The following PRX variants were observed in gnomAD, a reference collection of about 807,000 sequenced individuals.
The protein encoded by PRX is periaxin.
Under a neutral mutation model 29.6 loss-of-function variants are expected in PRX, and 24 were observed. That is an observed-to-expected ratio of 0.81 (90% CI 0.59 to 1.14). The LOEUF (loss-of-function observed/expected upper bound fraction) is 1.14, where lower values mean the gene tolerates loss of function less well. PRX is among the 50% of genes most tolerant of loss of function. The pLI, the probability that PRX is intolerant of heterozygous loss-of-function variation, is 0.00. For synonymous variants in PRX, 772 were observed against 831.7 expected (o/e 0.93, Z 1.24); for missense variants, 1,838 against 1,926.4 (o/e 0.95, Z 0.86).
chr19:40,404,945 A>G (rs1599663974), intron 4 of PRX, among the ~76,000 whole-genome samples: 1 of 152,116 alleles, frequency 6.6e-6, no homozygotes, highest in East Asian at 1.9e-4. Flanking sequence ...ACAAGAGAAT[A>G]GTTGAGGATG....
At chr19:40,412,995 G>A (rs1426150918) in intron 1 of PRX, among the ~76,000 whole-genome samples, 1 of 152,172 alleles carries the variant, frequency 6.6e-6, no homozygotes, top group Non-Finnish European at 1.5e-5. Flanking sequence ...CCAAAGTGCT[G>A]GGATTATAGG....
chr19:40,397,795 C>T lies in PRX; in HGVS notation c.557G>A (p.Arg186Gln), dbSNP rs569213133. 14 of 1,577,626 alleles carry T rather than the reference C, an allele frequency of 8.9e-6. No homozygotes were observed. In the Admixed American group the frequency reaches 1.3e-4, roughly 15 times the overall value. ...KGPVPAAPARRRLQLPRLRVR... is the reference protein window; with the variant it reads ...KGPVPAAPARQRLQLPRLRVR... ...ACGCAGCCGAGGCAGCTGGAGGCGC[C>T]GGCGGGCAGGGGCAGCCGGGACAGG... The change falls in exon 7 of 7, where the codon CGG (arginine) becomes CAG (glutamine). Residue 186 changes from arginine to glutamine, a missense_variant. Physicochemically the swap from Arg to Gln is conservative, Grantham distance 43. Coordinates refer to ENST00000324001, the MANE Select transcript of PRX (RefSeq NM_181882.3).
rs2079511172 is a variant in PRX, at chr19:40,403,660, C to G, written c.184+46G>C. 2 of 1,517,274 alleles carry G rather than the reference C, an allele frequency of 1.3e-6. 1 individual carries two copies. The highest frequency in any genetic ancestry group is 2.5e-5 in the South Asian group (2 of 81,152). 94.0% of individuals were successfully genotyped at this position (1,517,274 alleles called of 1,614,324 possible). A position where few individuals can be genotyped will look rare whatever the true frequency, so the allele number is the denominator to read the frequency against. On this transcript the variant is annotated intron_variant, in intron 5 of 6. Coordinates refer to ENST00000324001, the MANE Select transcript of PRX (RefSeq NM_181882.3). Reference sequence around the variant, plus strand: ...TTTGGACCCAAGGCAGATTCCTAACCCCGCCCCCGCAGTTCGACCCCGCCC... The same window carrying G: ...TTTGGACCCAAGGCAGATTCCTAACGCCGCCCCCGCAGTTCGACCCCGCCC...
chr19:40,394,911 C>T lies in PRX; in HGVS notation c.3441G>A (p.Pro1147=), dbSNP rs777344023. The T allele has an allele frequency of 9.3e-6, 15 of 1,610,264 alleles. No individual in the cohort carries two copies. In the East Asian group the frequency reaches 2.0e-4, roughly 22 times the overall value. ...EGHDAGLRMP[P]LGISLPQVEL... ...CCACCTGTGGCAGGGAGATGCCCAG[C>T]GGAGGCATCCTCAGCCCCGCGTCAT... Residue 1147 remains proline (P), a synonymous_variant, in exon 7 of 7, where the codon CCG becomes CCA. Coordinates refer to ENST00000324001, the MANE Select transcript of PRX (RefSeq NM_181882.3). This position sits in a 1 kb window ranked among gnomAD's most constrained non-coding sequence, Gnocchi z 5.8.
At chr19:40,406,408 G>A (rs1046461308) in intron 4 of PRX, among the ~76,000 whole-genome samples, 1 of 151,978 alleles carries the variant, frequency 6.6e-6, no homozygotes, top group African/African-American at 2.4e-5. Context: ...TCTCCCTATA[G>A]CCTTGGGCAG....
At chr19:40,404,137 C>G (rs1457869734) in intron 4 of PRX, among the ~76,000 whole-genome samples, 1 of 152,186 alleles carries the variant, frequency 6.6e-6, no homozygotes, top group Non-Finnish European at 1.5e-5. Flanking sequence ...TCAGGGCACA[C>G]GCCCCTCGGC....
At position 40,398,932 on chromosome 19, in the gene PRX, T is replaced by A. The variant is rs1021014956; in HGVS notation, c.185-116A>T. 6 of 1,547,904 alleles carry A rather than the reference T, an allele frequency of 3.9e-6. No individual in the cohort carries two copies. Among genetic ancestry groups the A allele is most frequent in the Non-Finnish European group, 5.2e-6 (6 of 1,147,172 alleles). On this transcript the variant is annotated intron_variant, in intron 5 of 6. Coordinates refer to ENST00000324001, the MANE Select transcript of PRX (RefSeq NM_181882.3). The surrounding 1 kb of genome is among the most constrained non-coding windows in gnomAD (Gnocchi z 6.3). The stretch of plus-strand genomic sequence containing the variant: ...AGGACCCGCCCCAAATTTTAGTTTC[T>A]CCAATCCCCAGCGCAGGATTAAGTC...
intron 5 of PRX, among the ~76,000 whole-genome samples, chr19:40,399,891 C>CTT (rs1555801765): frequency 4.4e-5 from 3 of 68,834 alleles, no homozygotes; most frequent in African/African-American, 1.6e-4. Context: ...TTCTTTCTTT[C>CTT]TTTCTTTCTT....
At chr19:40,402,492 C>T (rs1462927570) in intron 5 of PRX, among the ~76,000 whole-genome samples, 1 of 151,976 alleles carries the variant, frequency 6.6e-6, no homozygotes, top group Non-Finnish European at 1.5e-5. Context: ...TCTCTCCCGG[C>T]TGGGCGCGGT....
intron 1 of PRX, among the ~76,000 whole-genome samples, 161 bp from the exon 2 acceptor site, chr19:40,408,544 C>T (rs958659540): frequency 6.6e-6 from 1 of 152,196 alleles, no homozygotes. Context: ...GGACAACACA[C>T]GGTAAAGCCA....
Position 40,394,500 on chromosome 19 carries a change from G to A in PRX, c.3852C>T (p.Ser1284=), listed in dbSNP as rs567324732. The change falls in exon 7 of 7, where the codon TCC becomes TCT. Residue 1284 remains serine, a synonymous_variant. Transcript: ENST00000324001. This position sits in a 1 kb window ranked among gnomAD's most constrained non-coding sequence, Gnocchi z 5.8. ...LSLPDVELSP[S]GGNHAEYQVA... ...CCTGGTACTCGGCATGGTTGCCCCC[G>A]GATGGCGAGAGCTCCACGTCGGGCA... The A allele has an allele frequency of 1.8e-4, 283 of 1,599,748 alleles. 4 individuals are homozygous for A. The South Asian group carries it at 2.7e-3, about 15-fold the overall frequency.
rs903975222 is a variant in PRX, at chr19:40,403,937, A to T, written c.28-75T>A. The T allele has an allele frequency of 1.7e-5, 26 of 1,502,552 alleles. No homozygotes were observed. The South Asian group carries it at 2.5e-4, about 14-fold the overall frequency. The allele number at this position is 1,502,552 out of a possible 1,614,324, so 93.1% of individuals were successfully genotyped here. ...CCCAGAGCCCGCCATTGCGCTCAAC[A>T]GTGGCTCATATACATATATATGTTT... On this transcript the variant is annotated intron_variant, in intron 4 of 6. Coordinates refer to ENST00000324001, the MANE Select transcript of PRX (RefSeq NM_181882.3).
intron 4 of PRX, 83 bp downstream of exon 4, chr19:40,407,823 G>A: frequency 6.3e-7 from 1 of 1,579,660 alleles, no homozygotes; most frequent in Middle Eastern, 1.7e-4. Flanking sequence ...GGCACAGAGA[G>A]GCCAGAAAGT....
rs1186893096 is a variant in PRX, at chr19:40,397,335, C to A, written c.1017G>T (p.Leu339Phe). 2 of 1,612,986 alleles carry A rather than the reference C, an allele frequency of 1.2e-6. No individual in the cohort carries two copies. Among genetic ancestry groups the A allele is most frequent in the Admixed American group, 3.3e-5 (2 of 60,014 alleles). Residue 339 changes from leucine (L) to phenylalanine (F), a missense_variant, in exon 7 of 7, where the codon TTG (leucine) becomes TTT (phenylalanine). Leu to Phe is a conservative substitution (Grantham distance 22, BLOSUM62 0). Coordinates refer to ENST00000324001, the MANE Select transcript of PRX (RefSeq NM_181882.3). ...AAPTVGVDLA[L>F]PGAEVEARGE... ...CCCGGGCCTCCACCTCTGCACCCGG[C>A]AAGGCCAGGTCCACCCCCACAGTCG...
At chr19:40,403,995 C>G (rs1040213776) in intron 4 of PRX, 133 bp from the exon 5 acceptor site, 1 of 1,061,968 alleles carries the variant, frequency 9.4e-7, no homozygotes, top group Non-Finnish European at 1.3e-6. Context: ...GGGGGACGGT[C>G]TCGCCACACT....
At chr19:40,412,897 T>G (rs970377069) in intron 1 of PRX, among the ~76,000 whole-genome samples, 3 of 152,154 alleles carry the variant, frequency 2.0e-5, no homozygotes, top group Admixed American at 6.5e-5. Flanking sequence ...AAAAAATTTT[T>G]TTTTGTTTTG....
At chr19:40,405,043 T>G (rs1446150912) in intron 4 of PRX, among the ~76,000 whole-genome samples, 2 of 152,062 alleles carry the variant, frequency 1.3e-5, no homozygotes, top group Non-Finnish European at 2.9e-5. Flanking sequence ...CAGGCTTGAA[T>G]GTGTGTGAGA....
chr19:40,397,534 A>G lies in PRX; in HGVS notation c.818T>C (p.Leu273Pro), dbSNP rs1291234783. ...AGGFALHLPTLGLGAPAPPAV... is the reference protein window; with the variant it reads ...AGGFALHLPTPGLGAPAPPAV... ...AGGCGGAGCCGGGGCTCCGAGCCCAAGGGTTGGCAGGTGGAGGGCAAAGCC... is the reference window on the plus strand; with the variant it reads ...AGGCGGAGCCGGGGCTCCGAGCCCAGGGGTTGGCAGGTGGAGGGCAAAGCC... Residue 273 changes from leucine to proline, a missense_variant, in exon 7 of 7, where the codon CTT becomes CCT. Leu to Pro is a moderately conservative substitution (Grantham distance 98). Around this residue, in one of 3 missense-constraint regions of PRX, gnomAD observed 666 missense variants for 665.0 expected, o/e 1.00. Transcript: ENST00000324001. 2 of 1,542,572 alleles carry G rather than the reference A, an allele frequency of 1.3e-6. No homozygotes were observed. Among genetic ancestry groups the G allele is most frequent in the Admixed American group, 2.0e-5 (1 of 51,092 alleles).
chr19:40,403,917 A>G, intron 4 of PRX, 55 bp from the exon 5 acceptor site: 3 of 1,576,698 alleles, frequency 1.9e-6, no homozygotes, highest in Non-Finnish European at 2.6e-6. Flanking sequence ...CCTCGCCCAG[A>G]GCCCGCCATT....
Sources: allele counts gnomAD v4.1 joint callset (sites outside exome capture counted in the v4.1 genomes callset), GRCh38; gene constraint gnomAD v4.1.1; regional missense constraint gnomAD v4.1.1; non-coding constraint Gnocchi (gnomAD v3.1); transcripts MANE v1.5; gene names NCBI Gene and HGNC (gene_info 2026-07-23, HGNC 2026-07-21).